XRRA1: variants seen among roughly 807,000 people sequenced by gnomAD.
The protein encoded by XRRA1 is X-ray radiation resistance associated 1.
In XRRA1, 69 loss-of-function variants were observed where a neutral mutation model predicts 80.2. The observed-to-expected ratio is 0.86, with a 90% CI of 0.71 to 1.05. XRRA1 has a LOEUF of 1.05. XRRA1 is among the 50% of genes least tolerant of loss of function. XRRA1 has a pLI of 0.00. For missense variants in XRRA1, 967 were observed against 976.4 expected (o/e 0.99, Z 0.13); for synonymous variants, 348 against 389.9 (o/e 0.89, Z 1.27).
intron 12 of XRRA1, among the ~76,000 whole-genome samples, chr11:74,855,326 CTT>C (rs1370846923): frequency 6.6e-6 from 1 of 152,158 alleles, no homozygotes; most frequent in African/African-American, 2.4e-5. Context: ...AGAATTTAAT[CTT>C]GTCAGGATGC....
At chr11:74,922,832 G>A (rs184708775) in intron 7 of XRRA1, among the ~76,000 whole-genome samples, 5 of 152,080 alleles carry the variant, frequency 3.3e-5, no homozygotes, top group African/African-American at 1.2e-4. Flanking sequence ...AGAAATAAGT[G>A]GTTCTTATGT....
chr11:74,844,803 T>C (rs1252488934), intron 16 of XRRA1, among the ~76,000 whole-genome samples: 2 of 152,244 alleles, frequency 1.3e-5, no homozygotes, highest in Non-Finnish European at 2.9e-5. Context: ...GACTTTATCA[T>C]CCAGAGCAGC....
intron 10 of XRRA1, among the ~76,000 whole-genome samples, chr11:74,894,840 G>T (rs1303116094): frequency 6.6e-6 from 1 of 152,060 alleles, no homozygotes; most frequent in Non-Finnish European, 1.5e-5. Context: ...AATTAACATA[G>T]GTAGTAATAA....
chr11:74,943,524 G>GGGGTGTGTGTGTGTGTGTGTGT (rs1330173160), intron 2 of XRRA1, among the ~76,000 whole-genome samples: 22 of 137,760 alleles, frequency 1.6e-4, no homozygotes, highest in African/African-American at 4.3e-4. Flanking sequence ...AGAGTAGGAG[G>GGGGTGTGTGTGTGTGTGTGTGT]GTGTGTGTGT....
At chr11:74,926,244 G>A (rs1434283055) in intron 7 of XRRA1, among the ~76,000 whole-genome samples, 1 of 152,144 alleles carries the variant, frequency 6.6e-6, no homozygotes, top group Non-Finnish European at 1.5e-5. Context: ...TTAGGAAGGT[G>A]GCCATCCCAA....
intron 14 of XRRA1, chr11:74,850,857 A>G: frequency 3.6e-6 from 1 of 273,998 alleles, no homozygotes. Flanking sequence ...CAATTACTGT[A>G]GGTGACTATA....
intron 10 of XRRA1, among the ~76,000 whole-genome samples, chr11:74,878,899 A>C (rs1337164999): frequency 6.6e-6 from 1 of 151,864 alleles, no homozygotes; most frequent in Admixed American, 6.6e-5. Flanking sequence ...AGGTAGTGTG[A>C]TGCCTCCAGC....
At position 74,865,116 on chromosome 11, in the gene XRRA1, A is replaced by G. The variant is rs180775475; in HGVS notation, c.1004-2095T>C. 3.3e-5 allele frequency among the ~76,000 whole-genome samples: 5 copies of G among 151,870 alleles called. No homozygotes were observed. The East Asian group carries it at 9.8e-4, about 30-fold the overall frequency. The stretch of plus-strand genomic sequence containing the variant: ...GAGACACATGCCTGTCTGGGCCAAC[A>G]AGATGGGCTTCTTCCCATATCAAAT... On this transcript the variant is annotated intron_variant, in intron 10 of 18. Transcript: ENST00000684022.
rs768932777 is a variant in XRRA1, at chr11:74,852,080, G to C, written c.1173C>G (p.Ile391Met). Residue 391 changes from isoleucine to methionine, a missense_variant and splice_region_variant, in exon 13 of 19, where the codon ATC becomes ATG. Transcript: ENST00000684022. ...CTGGTAGGACAGCATCCTCTTTTGC[G>C]ATCTGTAATGAATGCAGGAGAGACT... ...LRYLSLAYNK[I>M]AKEDAVLPVA... The C allele has an allele frequency of 3.7e-6, 6 of 1,613,298 alleles. No individual in the cohort carries two copies. Among genetic ancestry groups the C allele is most frequent in the Non-Finnish European group, 3.4e-6 (4 of 1,179,312 alleles).
chr11:74,923,294 C>T (rs966038143), intron 7 of XRRA1, among the ~76,000 whole-genome samples: 1 of 152,164 alleles, frequency 6.6e-6, no homozygotes, highest in Non-Finnish European at 1.5e-5. Context: ...TAAGAAATGG[C>T]TTGATAGGAC....
intron 10 of XRRA1, among the ~76,000 whole-genome samples, chr11:74,873,242 T>G (rs1590829523): frequency 6.6e-6 from 1 of 152,282 alleles, no homozygotes; most frequent in Middle Eastern, 3.4e-3. Context: ...ATGCAGGGCC[T>G]CCTCGAACCT....
Position 74,936,792 on chromosome 11 carries a change from G to C in XRRA1, c.279+92C>G. ...CACTCTAACAGTTTGGAGTAGATTG[G>C]GGGTAGTTGTGCCAGAGCAGGGCAA... is the stretch of plus-strand genomic sequence containing the variant. On this transcript the variant is annotated intron_variant, in intron 4 of 18. Coordinates refer to ENST00000684022, the MANE Select transcript of XRRA1 (RefSeq NM_001378157.1). 5 of 1,415,220 alleles carry C rather than the reference G, an allele frequency of 3.5e-6. No individual in the cohort carries two copies. The South Asian group carries it at 5.8e-5, about 16-fold the overall frequency. The allele number at this position is 1,415,220 out of a possible 1,614,324, so 87.7% of individuals were successfully genotyped here.
At chr11:74,855,042 T>A (rs1267968795) in intron 12 of XRRA1, among the ~76,000 whole-genome samples, 1 of 145,322 alleles carries the variant, frequency 6.9e-6, no homozygotes, top group Non-Finnish European at 1.5e-5. Flanking sequence ...AGAGTGAGAC[T>A]CTGTCTCAAA....
chr11:74,849,904 T>C (rs1191159708), intron 14 of XRRA1, among the ~76,000 whole-genome samples: 1 of 152,188 alleles, frequency 6.6e-6, no homozygotes, highest in Non-Finnish European at 1.5e-5. Context: ...CCTTTGTCCA[T>C]GTAACCCCAG....
At chr11:74,882,896 A>T (rs2048024183) in intron 10 of XRRA1, among the ~76,000 whole-genome samples, 2 of 152,324 alleles carry the variant, frequency 1.3e-5, no homozygotes, top group East Asian at 3.9e-4. Flanking sequence ...ATGCTGGGAT[A>T]ACCACTGCTC....
chr11:74,845,367 C>T, intron 15 of XRRA1, 96 bp from the exon 16 acceptor site: 1 of 1,344,828 alleles, frequency 7.4e-7, no homozygotes, highest in Non-Finnish European at 1.0e-6. Flanking sequence ...CTCTGCTGGG[C>T]CCTGTTAAGG....
At chr11:74,865,864 G>C (rs550892584) in intron 10 of XRRA1, among the ~76,000 whole-genome samples, 8 of 152,356 alleles carry the variant, frequency 5.3e-5, no homozygotes, top group African/African-American at 1.9e-4. Context: ...TCTTCCCAGA[G>C]CCATTTGGGC....
chr11:74,926,261 A>G (rs1468912359), intron 7 of XRRA1, among the ~76,000 whole-genome samples: 2 of 152,236 alleles, frequency 1.3e-5, no homozygotes, highest in African/African-American at 4.8e-5. Context: ...CCAAGAGGTT[A>G]AAACCTTTTA....
At chr11:74,852,262 A>G (rs1180057086) in intron 12 of XRRA1, among the ~76,000 whole-genome samples, 180 bp from the exon 13 acceptor site, 1 of 151,992 alleles carries the variant, frequency 6.6e-6, no homozygotes, top group Non-Finnish European at 1.5e-5. Context: ...AATAATACCT[A>G]CTCATGCACA....
Sources: allele counts gnomAD v4.1 joint callset (sites outside exome capture counted in the v4.1 genomes callset), GRCh38; gene constraint gnomAD v4.1.1; transcripts MANE v1.5; gene names NCBI Gene and HGNC (gene_info 2026-07-23, HGNC 2026-07-21).